TAFA4: variants seen among roughly 807,000 people sequenced by gnomAD.
TAFA4 encodes chemokine-like protein TAFA-4.
Under a neutral mutation model 21.1 loss-of-function variants are expected in TAFA4, and 20 were observed. The ratio of observed to expected loss-of-function variants is 0.95; its 90% confidence interval spans 0.67 to 1.38. The LOEUF (loss-of-function observed/expected upper bound fraction) is 1.38. Among genes scored for constraint, TAFA4 ranks in the 40% most tolerant of loss-of-function variants. The probability of loss-of-function intolerance (pLI) is 0.00; values close to 1 mark genes in which losing one functional copy is unlikely to be tolerated. For missense variants in TAFA4, 211 were observed against 180.9 expected, an observed-to-expected ratio of 1.17 and a Z score of -0.95; for synonymous variants, 71 against 67.4, an observed-to-expected ratio of 1.05 and a Z score of -0.26.
At chr3:68,750,275 T>A (rs560157846) in intron 4 of TAFA4, among the ~76,000 whole-genome samples, 2 of 152,264 alleles carry the variant, frequency 1.3e-5, no homozygotes, top group South Asian at 4.1e-4. Context: ...CCAACCTAGA[T>A]GACAGAGCAA....
At chr3:68,872,969 T>C (rs756773944) in intron 3 of TAFA4, among the ~76,000 whole-genome samples, 47 of 152,150 alleles carry the variant, frequency 3.1e-4, no homozygotes, top group Non-Finnish European at 1.0e-4. Context: ...AGCTCCTTGG[T>C]AAATATATTT....
Position 68,829,494 on chromosome 3 carries a change from T to C in TAFA4, c.130+51236A>G, listed in dbSNP as rs538802511. Among the ~76,000 whole-genome samples, 5 of 152,370 alleles carry C rather than the reference T, an allele frequency of 3.3e-5. No homozygotes were observed. In the East Asian group the frequency reaches 7.7e-4, roughly 23 times the overall value. On this transcript the variant is annotated intron_variant, in intron 3 of 5. Transcript: ENST00000295569. The stretch of plus-strand genomic sequence containing the variant: ...CTGTTTATGTGATGGATTACGTTTA[T>C]TGATTTGCGTATGTTGAACCAGCCT...
Position 68,732,347 on chromosome 3 carries a change from A to G in TAFA4, c.*795T>C, listed in dbSNP as rs1702163711. The G allele has an allele frequency of 6.6e-6, 1 of 152,622 alleles. No homozygotes were observed. The highest frequency in any genetic ancestry group is 2.4e-5 in the African/African-American group (1 of 41,444). 9.5% of individuals were successfully genotyped at this position (152,622 alleles called of 1,614,324 possible). A position where few individuals can be genotyped will look rare whatever the true frequency, so the allele number is the denominator to read the frequency against. On this transcript the variant is annotated 3_prime_UTR_variant, in exon 6 of 6. Coordinates refer to ENST00000295569, the MANE Select transcript of TAFA4 (RefSeq NM_182522.5). ...TTGATCTAAATTGAGATTGTTTTATATTTTAAATGATTTACCTACATGACT... is the reference window on the plus strand; with the variant it reads ...TTGATCTAAATTGAGATTGTTTTATGTTTTAAATGATTTACCTACATGACT...
chr3:68,818,133 G>T (rs1425479199), intron 3 of TAFA4, among the ~76,000 whole-genome samples: 2 of 152,144 alleles, frequency 1.3e-5, no homozygotes, highest in African/African-American at 2.4e-5. Flanking sequence ...ACTTCCTGCA[G>T]CTTCTATATC....
chr3:68,773,530 A>G (rs1702996401), intron 3 of TAFA4, among the ~76,000 whole-genome samples: 1 of 152,108 alleles, frequency 6.6e-6, no homozygotes, highest in Admixed American at 6.5e-5. Flanking sequence ...TCCTCTACCC[A>G]TGCAGACACT....
rs114374340 is a variant in TAFA4, at chr3:68,849,310, G to T, written c.130+31420C>A. ...CTTCCTTTGAATCTGAATGGGCTCT[G>T]TGAAAGTTTTCATTAATAGAATATG... On this transcript the variant is annotated intron_variant, in intron 3 of 5. Transcript: ENST00000295569. 7.3e-3 allele frequency among the ~76,000 whole-genome samples: 1,114 copies of T among 152,292 alleles called. 14 individuals carry two copies. Among genetic ancestry groups the T allele is most frequent in the African/African-American group, 0.025 (1,035 of 41,560 alleles).
At chr3:68,906,575 G>A (rs2089902702) in intron 1 of TAFA4, among the ~76,000 whole-genome samples, 1 of 152,194 alleles carries the variant, frequency 6.6e-6, no homozygotes. Flanking sequence ...ATTTAAACCT[G>A]TGAGGGTCTG....
At chr3:68,864,000 T>C (rs554420291) in intron 3 of TAFA4, among the ~76,000 whole-genome samples, 2 of 152,064 alleles carry the variant, frequency 1.3e-5, no homozygotes, top group South Asian at 2.1e-4. Flanking sequence ...AACTAAAAAC[T>C]GTCTCAAAGA....
intron 3 of TAFA4, among the ~76,000 whole-genome samples, chr3:68,780,406 C>G (rs1703133156): frequency 6.6e-6 from 1 of 152,132 alleles, no homozygotes. Flanking sequence ...GTTTCCTACC[C>G]ATATCTCATC....
intron 3 of TAFA4, among the ~76,000 whole-genome samples, chr3:68,800,137 T>A (rs1703545130): frequency 6.6e-6 from 1 of 152,170 alleles, no homozygotes; most frequent in Non-Finnish European, 1.5e-5. Context: ...TATTACAACA[T>A]AATAACAGAA....
intron 5 of TAFA4, among the ~76,000 whole-genome samples, chr3:68,735,586 A>C (rs750831867): frequency 6.6e-6 from 1 of 152,082 alleles, no homozygotes; most frequent in African/African-American, 2.4e-5. Flanking sequence ...GATAGCATTA[A>C]ATTATTATTA....
intron 1 of TAFA4, among the ~76,000 whole-genome samples, chr3:68,927,023 C>T (rs559948884): frequency 6.6e-6 from 1 of 152,202 alleles, no homozygotes; most frequent in South Asian, 2.1e-4. Context: ...AGACTGCTCT[C>T]CCATACCATC....
chr3:68,804,791 C>T (rs1429493857), intron 3 of TAFA4, among the ~76,000 whole-genome samples: 2 of 152,100 alleles, frequency 1.3e-5, no homozygotes, highest in Admixed American at 6.5e-5. Flanking sequence ...ACACCTTATA[C>T]AAAAATTAAT....
At chr3:68,842,264 C>T (rs1207437032) in intron 3 of TAFA4, among the ~76,000 whole-genome samples, 3 of 152,156 alleles carry the variant, frequency 2.0e-5, no homozygotes, top group Non-Finnish European at 4.4e-5. Context: ...TGGTACCTCA[C>T]TGCGGTTTTG....
chr3:68,784,850 A>G (rs953452560), intron 3 of TAFA4, among the ~76,000 whole-genome samples: 1 of 152,054 alleles, frequency 6.6e-6, no homozygotes, highest in Non-Finnish European at 1.5e-5. Context: ...AAGGTTCTCC[A>G]CGTCCCCACC....
At chr3:68,733,178 C>A (rs1277178913) in intron 5 of TAFA4, 25 bp from the exon 6 acceptor site, 6 of 1,612,710 alleles carry the variant, frequency 3.7e-6, no homozygotes, top group Non-Finnish European at 5.1e-6. Context: ...AATAAGGGAA[C>A]ATTCAACACT....
rs750992903 is a variant in TAFA4, at chr3:68,752,878, G to T, written c.271C>A (p.Pro91Thr). 2 of 1,614,072 alleles carry T rather than the reference G, an allele frequency of 1.2e-6. No homozygotes were observed. Among genetic ancestry groups the T allele is most frequent in the Non-Finnish European group, 1.7e-6 (2 of 1,180,030 alleles). ...GQVAGTTRAQ[P>T]SCVEASIVIQ... is the part of the protein sequence containing the mutation. Reference sequence around the variant, plus strand: ...GAGGTCTTACCTTCAACACAAGAAGGTTGAGCCCGAGTTGTGCCCGCCACC... The same window carrying T: ...GAGGTCTTACCTTCAACACAAGAAGTTTGAGCCCGAGTTGTGCCCGCCACC... Residue 91 changes from proline (P) to threonine (T), a missense_variant, in exon 4 of 6, where the codon CCT becomes ACT. Transcript: ENST00000295569.
intron 3 of TAFA4, among the ~76,000 whole-genome samples, chr3:68,816,694 C>T (rs1427755883): frequency 6.6e-6 from 1 of 152,172 alleles, no homozygotes; most frequent in Non-Finnish European, 1.5e-5. Flanking sequence ...CTTTTACAGG[C>T]GTATCTCTGA....
intron 3 of TAFA4, among the ~76,000 whole-genome samples, chr3:68,811,135 C>A (rs925720053): frequency 1.3e-5 from 2 of 152,148 alleles, no homozygotes; most frequent in Non-Finnish European, 2.9e-5. Flanking sequence ...GGAAAACTAA[C>A]AAACAGAAAG....
Sources: allele counts gnomAD v4.1 joint callset (sites outside exome capture counted in the v4.1 genomes callset), GRCh38; gene constraint gnomAD v4.1.1; transcripts MANE v1.5; gene names NCBI Gene and HGNC (gene_info 2026-07-23, HGNC 2026-07-21).